CLEC9A: variants seen among roughly 807,000 people sequenced by gnomAD.
The protein encoded by CLEC9A is C-type lectin domain containing 9A.
CLEC9A carries 24 observed loss-of-function variants against 30.0 expected under a neutral mutation model. The ratio of observed to expected loss-of-function variants is 0.80; its 90% confidence interval spans 0.58 to 1.13. The LOEUF (loss-of-function observed/expected upper bound fraction) is 1.13. Ranked by LOEUF, CLEC9A falls within the 50% of genes most tolerant of loss-of-function variation. The pLI is 0.00. For synonymous variants in CLEC9A, 111 were observed against 96.8 expected, an observed-to-expected ratio of 1.15 and a Z score of -0.86; for missense variants, 251 against 280.9, an observed-to-expected ratio of 0.89 and a Z score of 0.76.
intron 1 of CLEC9A, among the ~76,000 whole-genome samples, chr12:10,040,652 G>A (rs903876309): frequency 2.2e-4 from 33 of 151,372 alleles, no homozygotes; most frequent in African/African-American, 7.5e-4. Flanking sequence ...GGGTTTCACC[G>A]TATTAGCCAG....
intron 3 of CLEC9A, 40 bp from the exon 4 acceptor site, chr12:10,052,590 C>A (rs550242709): frequency 1.3e-6 from 2 of 1,523,672 alleles, no homozygotes; most frequent in East Asian, 2.3e-5. Context: ...GAAAATGTAA[C>A]CAATTTCAGT....
chr12:10,036,241 T>C (rs1865743298), intron 1 of CLEC9A, among the ~76,000 whole-genome samples: 1 of 152,240 alleles, frequency 6.6e-6, no homozygotes, highest in Admixed American at 6.5e-5. Flanking sequence ...TAACTTTTAA[T>C]AAAGCTCATT....
chr12:10,061,487 T>C (rs1430396495), intron 6 of CLEC9A, among the ~76,000 whole-genome samples: 2 of 152,066 alleles, frequency 1.3e-5, no homozygotes, highest in South Asian at 2.1e-4. Context: ...CTAAAGGAAA[T>C]GTACAGTCAA....
Position 10,063,188 on chromosome 12 carries a change from A to G in CLEC9A, c.453A>G (p.Ile151Met). 2.5e-6 allele frequency: 4 copies of G among 1,602,328 alleles called. No individual in the cohort carries two copies. Among genetic ancestry groups the G allele is most frequent in the Non-Finnish European group, 3.4e-6 (4 of 1,176,448 alleles). The change falls in exon 7 of 9, where the codon ATA (isoleucine) becomes ATG (methionine). Residue 151 changes from isoleucine to methionine, a missense_variant. Coordinates refer to ENST00000355819, the MANE Select transcript of CLEC9A (RefSeq NM_207345.4). ...CLKEGSTLLQ[I>M]ESKEEMDFIT... The stretch of plus-strand genomic sequence containing the variant: ...AGGAAGGTTCCACGCTGCTACAAAT[A>G]GAGAGCAAAGAAGAAATGGTAAACA...
chr12:10,065,445 G>A, intron 8 of CLEC9A, 55 bp from the exon 9 acceptor site: 2 of 1,603,972 alleles, frequency 1.2e-6, no homozygotes, highest in Admixed American at 1.7e-5. Flanking sequence ...TTACCCTCAG[G>A]AGCATTTCTG....
intron 2 of CLEC9A, among the ~76,000 whole-genome samples, chr12:10,041,841 T>G (rs1209813979): frequency 1.3e-5 from 2 of 152,220 alleles, no homozygotes; most frequent in Non-Finnish European, 2.9e-5. Context: ...GACTTGTCCC[T>G]TCCTGACAGC....
chr12:10,039,318 T>C (rs1865771243), intron 1 of CLEC9A, among the ~76,000 whole-genome samples: 2 of 152,310 alleles, frequency 1.3e-5, no homozygotes, highest in African/African-American at 4.8e-5. Flanking sequence ...ATTTGTCTGT[T>C]TGTCACTATC....
chr12:10,061,588 A>G (rs1179836731), intron 6 of CLEC9A, among the ~76,000 whole-genome samples: 4 of 152,244 alleles, frequency 2.6e-5, no homozygotes, highest in Non-Finnish European at 5.9e-5. Context: ...TCAAATTTGT[A>G]AGGATGTTTT....
At chr12:10,060,959 T>G (rs1393620489) in intron 5 of CLEC9A, 168 bp from the exon 6 acceptor site, 1 of 723,066 alleles carries the variant, frequency 1.4e-6, no homozygotes, top group Non-Finnish European at 2.1e-6. Flanking sequence ...CCACGTCTTT[T>G]GTAGTGTTTG....
rs902611962 is a variant in CLEC9A at position 10,065,810 on chromosome 12, T to C, written c.*178T>C. The C allele has an allele frequency of 8.3e-6, 5 of 599,506 alleles. No individual in the cohort carries two copies. Among genetic ancestry groups the C allele is most frequent in the African/African-American group, 1.9e-5 (1 of 52,924 alleles). 37.1% of individuals were successfully genotyped at this position (599,506 alleles called of 1,614,324 possible). A position where few individuals can be genotyped will look rare whatever the true frequency, so the allele number is the denominator to read the frequency against. On this transcript the variant is annotated 3_prime_UTR_variant, in exon 9 of 9. Transcript: ENST00000355819. The stretch of plus-strand genomic sequence containing the variant: ...TTCTTCCACACCGTCCAGATTTCAT[T>C]TGATGTTGTTCACATTGCAAGAGTA...
chr12:10,061,094 G>A, intron 5 of CLEC9A, 33 bp from the exon 6 acceptor site: 1 of 1,598,652 alleles, frequency 6.3e-7, no homozygotes, highest in Admixed American at 1.8e-5. Flanking sequence ...AAAATGTCAG[G>A]ATTTTATTAG....
intron 2 of CLEC9A, among the ~76,000 whole-genome samples, chr12:10,044,385 T>C (rs1865826892): frequency 6.6e-6 from 1 of 152,214 alleles, no homozygotes; most frequent in Non-Finnish European, 1.5e-5. Flanking sequence ...GTATTTACTA[T>C]AGGTAGGATC....
In CLEC9A at chr12:10,041,526, G is replaced by A; in HGVS notation, c.-257G>A. 8 of 500,570 alleles carry A rather than the reference G, an allele frequency of 1.6e-5. No individual in the cohort carries two copies. The highest frequency in any genetic ancestry group is 1.2e-4 in the South Asian group (8 of 64,786). The allele number at this position is 500,570 out of a possible 1,614,324, so 31.0% of individuals were successfully genotyped here. A position where few individuals can be genotyped will look rare whatever the true frequency, so the allele number is the denominator to read the frequency against. ...ACATATTATGGAGATAGCTGCTATG[G>A]GTTCTTCAAACACAACTTGACATGG... On this transcript the variant is annotated 5_prime_UTR_variant, in exon 2 of 9. Transcript: ENST00000355819.
At chr12:10,044,679 C>T (rs1252264794) in intron 2 of CLEC9A, among the ~76,000 whole-genome samples, 1 of 152,166 alleles carries the variant, frequency 6.6e-6, no homozygotes, top group Non-Finnish European at 1.5e-5. Flanking sequence ...ATTAGCTTCC[C>T]TTCAGCCCAC....
chr12:10,053,395 T>C (rs1865912984), intron 4 of CLEC9A, among the ~76,000 whole-genome samples: 1 of 152,212 alleles, frequency 6.6e-6, no homozygotes, highest in Admixed American at 6.5e-5. Flanking sequence ...TTTCTAGAGC[T>C]GGATTTATTG....
At chr12:10,055,902 C>CA (rs1252653874) in intron 5 of CLEC9A, among the ~76,000 whole-genome samples, 1 of 150,766 alleles carries the variant, frequency 6.6e-6, no homozygotes, top group Non-Finnish European at 1.5e-5. Flanking sequence ...ACTAAAAATG[C>CA]AAAAAAATTA....
At chr12:10,037,271 G>A (rs968670561) in intron 1 of CLEC9A, among the ~76,000 whole-genome samples, 1 of 152,042 alleles carries the variant, frequency 6.6e-6, no homozygotes, top group Non-Finnish European at 1.5e-5. Context: ...TACACAATCA[G>A]GAATAGGGCG....
chr12:10,042,042 C>A (rs1276263437), intron 2 of CLEC9A, among the ~76,000 whole-genome samples: 1 of 152,178 alleles, frequency 6.6e-6, no homozygotes. Context: ...TTCCTAAAAT[C>A]TCAGCTCTAT....
intron 5 of CLEC9A, among the ~76,000 whole-genome samples, chr12:10,058,824 C>T (rs936585939): frequency 1.3e-5 from 2 of 152,164 alleles, no homozygotes; most frequent in African/African-American, 2.4e-5. Context: ...GGAGTACAGG[C>T]GAGAGCCACC....
Sources: allele counts gnomAD v4.1 joint callset (sites outside exome capture counted in the v4.1 genomes callset), GRCh38; gene constraint gnomAD v4.1.1; transcripts MANE v1.5; gene names NCBI Gene and HGNC (gene_info 2026-07-23, HGNC 2026-07-21).